PAK2: variants seen among roughly 807,000 people sequenced by gnomAD.
The protein encoded by PAK2 is p21 (RAC1) activated kinase 2, also known as serine/threonine-protein kinase PAK 2.
A neutral mutation model predicts 65.9 loss-of-function variants in PAK2; 21 were observed. The ratio of observed to expected loss-of-function variants is 0.32; its 90% CI spans 0.23 to 0.46. The LOEUF (loss-of-function observed/expected upper bound fraction) is 0.46, where lower values mean the gene tolerates loss of function less well. Among genes scored for constraint, PAK2 ranks in the 20% least tolerant of loss-of-function variants. The pLI is 1.00. For synonymous variants in PAK2, 204 were observed against 219.7 expected, an observed-to-expected ratio of 0.93 and a Z score of 0.63; for missense variants, 324 against 642.6, an observed-to-expected ratio of 0.50 and a Z score of 5.36.
intron 2 of PAK2, among the ~76,000 whole-genome samples, chr3:196,788,002 G>C (rs34640252): frequency 0.3 from 45,851 of 152,142 alleles, 7,714 homozygotes; most frequent in African/African-American, 0.43. Flanking sequence ...CTCTGGGTCC[G>C]CTCATTTCCA....
rs1305188952 is a variant in PAK2 at position 196,777,576 on chromosome 3, T to C, written c.-21-5050T>C. On this transcript the variant is annotated intron_variant, in intron 1 of 14. Transcript: ENST00000327134. ...CCTCATCAACAAAAACTCTTTGGAC[T>C]CTTCATTAATGTTGACAAGTGTAAA... 5.3e-5 allele frequency among the ~76,000 whole-genome samples: 8 copies of C among 152,332 alleles called. No individual in the cohort carries two copies. The East Asian group carries it at 1.5e-3, about 29-fold the overall frequency.
chr3:196,803,260 T>C (rs773359514), intron 4 of PAK2, 96 bp downstream of exon 4: 138 of 995,100 alleles, frequency 1.4e-4, no homozygotes, highest in Non-Finnish European at 1.8e-4. Flanking sequence ...TAAACTATGG[T>C]TCTTGTTGAT....
At chr3:196,802,688 CA>C (rs1377034688) in intron 3 of PAK2, among the ~76,000 whole-genome samples, 1 of 151,698 alleles carries the variant, frequency 6.6e-6, no homozygotes, top group East Asian at 1.9e-4. Flanking sequence ...ACTAAAAATA[CA>C]AAAAATTAGC....
intron 12 of PAK2, among the ~76,000 whole-genome samples, chr3:196,818,966 T>C (rs989210890): frequency 2.0e-4 from 31 of 152,180 alleles, no homozygotes; most frequent in African/African-American, 6.3e-4. Flanking sequence ...GCTATAAATA[T>C]TGTTTGACCT....
intron 1 of PAK2, among the ~76,000 whole-genome samples, chr3:196,755,346 A>G (rs999082604): frequency 6.6e-6 from 1 of 151,826 alleles, no homozygotes; most frequent in Admixed American, 6.6e-5. Context: ...AATTTTTCCT[A>G]TGTCTATGGA....
intron 1 of PAK2, among the ~76,000 whole-genome samples, chr3:196,745,519 T>C (rs978809750): frequency 3.3e-5 from 5 of 152,018 alleles, no homozygotes; most frequent in Admixed American, 6.6e-5. Context: ...AAAATACAGG[T>C]ATAAAAATAT....
intron 13 of PAK2, among the ~76,000 whole-genome samples, chr3:196,825,735 G>C (rs577919907): frequency 6.6e-6 from 1 of 152,124 alleles, no homozygotes; most frequent in East Asian, 1.9e-4. Context: ...TCTAAAGGGA[G>C]TTGATTAAAT....
chr3:196,761,031 C>G (rs1713942524), intron 1 of PAK2, among the ~76,000 whole-genome samples: 1 of 152,078 alleles, frequency 6.6e-6, no homozygotes, highest in Non-Finnish European at 1.5e-5. Context: ...GAGTTCAAGA[C>G]CAGCCTGACC....
intron 2 of PAK2, among the ~76,000 whole-genome samples, chr3:196,786,724 A>T (rs1714900882): frequency 6.6e-6 from 1 of 151,996 alleles, no homozygotes; most frequent in African/African-American, 2.4e-5. Context: ...TCAGGTTTCC[A>T]TGTGAGAGTC....
In PAK2 at chr3:196,791,647, G is replaced by A. The variant is rs974623541; in HGVS notation, c.187+8814G>A. On this transcript the variant is annotated intron_variant, in intron 2 of 14. Transcript: ENST00000327134. This position sits in a 1 kb window ranked among gnomAD's most constrained non-coding sequence, Gnocchi z 4.0. ...TGTTAAGAAATATAATTCCTGGGCCGGGCGTGGTGGCTCACGCCTGTAATC... is the reference window on the plus strand; with the variant it reads ...TGTTAAGAAATATAATTCCTGGGCCAGGCGTGGTGGCTCACGCCTGTAATC... Among the ~76,000 whole-genome samples, 81 of 151,654 alleles carry A rather than the reference G, an allele frequency of 5.3e-4. 4 individuals carry two copies. The highest frequency in any genetic ancestry group is 9.7e-5 in the African/African-American group (4 of 41,274).
Position 196,810,505 on chromosome 3 carries a change from G to A in PAK2, c.710-85G>A, listed in dbSNP as rs145719229. ...TTTGAAAATCACTTATAAAAACAGT[G>A]GAGTTCATTAAAAGGAATAATAATA... is the stretch of plus-strand genomic sequence containing the variant. On this transcript the variant is annotated intron_variant, in intron 7 of 14. Transcript: ENST00000327134. 9 of 765,516 alleles carry A rather than the reference G, an allele frequency of 1.2e-5. No individual in the cohort carries two copies. The African/African-American group carries it at 1.2e-4, about 10-fold the overall frequency. 47.4% of individuals were successfully genotyped at this position (765,516 alleles called of 1,614,324 possible).
rs1434553407 is a variant in PAK2, at chr3:196,831,535, C to G, written c.*3130C>G. ...ATAGTATTCATTCTCTTCCCTTTAA[C>G]ATAGAAGTGTCCAGCTGCGTACAGT... On this transcript the variant is annotated 3_prime_UTR_variant, in exon 15 of 15. Coordinates refer to ENST00000327134, the MANE Select transcript of PAK2 (RefSeq NM_002577.4). The G allele has an allele frequency of 6.6e-6, 1 of 152,182 alleles. No individual in the cohort carries two copies. Among genetic ancestry groups the G allele is most frequent in the Non-Finnish European group, 1.5e-5 (1 of 68,028 alleles). The allele number at this position is 152,182 out of a possible 1,614,324, so 9.4% of individuals were successfully genotyped here.
chr3:196,813,529 A>G (rs1715895110), intron 10 of PAK2, among the ~76,000 whole-genome samples: 1 of 152,112 alleles, frequency 6.6e-6, no homozygotes, highest in Admixed American at 6.6e-5. Context: ...GTTGAAAATG[A>G]TAACAGTGGT....
At chr3:196,762,070 G>T (rs1713994262) in intron 1 of PAK2, among the ~76,000 whole-genome samples, 1 of 141,396 alleles carries the variant, frequency 7.1e-6, no homozygotes, top group Non-Finnish European at 1.6e-5. Context: ...GGTCTTGGCC[G>T]GGCAGAGGCG....
At chr3:196,755,879 C>T (rs1425026548) in intron 1 of PAK2, among the ~76,000 whole-genome samples, 1 of 152,142 alleles carries the variant, frequency 6.6e-6, no homozygotes, top group African/African-American at 2.4e-5. Flanking sequence ...CCTCAGCCTC[C>T]TTAGTAGCTG....
At chr3:196,751,694 T>TATATATAGATATATA (rs1211217848) in intron 1 of PAK2, among the ~76,000 whole-genome samples, 1 of 45,874 alleles carries the variant, frequency 2.2e-5, no homozygotes, top group Non-Finnish European at 4.4e-5. Flanking sequence ...TATATATATA[T>TATATATAGATATATA]AATTCAGGCT....
intron 2 of PAK2, among the ~76,000 whole-genome samples, chr3:196,787,621 A>C (rs1714935557): frequency 6.6e-6 from 1 of 151,832 alleles, no homozygotes; most frequent in African/African-American, 2.4e-5. Context: ...TTTGTAGGGC[A>C]AATAGGGGAG....
chr3:196,799,513 A>T (rs1380254698), intron 2 of PAK2, among the ~76,000 whole-genome samples: 1 of 152,164 alleles, frequency 6.6e-6, no homozygotes, highest in East Asian at 1.9e-4. Context: ...TATAAAAGCC[A>T]GTTTGGCCCT....
rs1715642069 is a variant in PAK2 at position 196,808,038 on chromosome 3, A to G, written c.709+124A>G. 3 of 860,210 alleles carry G rather than the reference A, an allele frequency of 3.5e-6. No individual in the cohort carries two copies. In the South Asian group the frequency reaches 5.5e-5, roughly 16 times the overall value. The allele number at this position is 860,210 out of a possible 1,614,324, so 53.3% of individuals were successfully genotyped here. A position where few individuals can be genotyped will look rare whatever the true frequency, so the allele number is the denominator to read the frequency against. ...AGTATAAAGAATAAATTGTTTCCTT[A>G]TAGCAACAGTAGCTTCAATTACAAT... On this transcript the variant is annotated intron_variant, in intron 7 of 14. Coordinates refer to ENST00000327134, the MANE Select transcript of PAK2 (RefSeq NM_002577.4).
Sources: allele counts gnomAD v4.1 joint callset (sites outside exome capture counted in the v4.1 genomes callset), GRCh38; gene constraint gnomAD v4.1.1; non-coding constraint Gnocchi (gnomAD v3.1); transcripts MANE v1.5; gene names NCBI Gene and HGNC (gene_info 2026-07-23, HGNC 2026-07-21).